The following SMOX variants were observed in gnomAD, a reference collection of about 807,000 sequenced individuals.
The protein encoded by SMOX is flavin containing amine oxidase.
A neutral mutation model predicts 51.0 loss-of-function variants in SMOX; 22 were observed. That is an observed-to-expected ratio of 0.43 (90% CI 0.31 to 0.62). The LOEUF is 0.62. Ranked by LOEUF, SMOX falls within the 20% of genes least tolerant of loss-of-function variation. The pLI is 0.10. For missense variants in SMOX, 566 were observed against 777.7 expected (o/e 0.73, Z 3.24); for synonymous variants, 282 against 307.8 (o/e 0.92, Z 0.88).
chr20:4,163,627 C>T (rs1316672936), intron 1 of SMOX, among the ~76,000 whole-genome samples: 1 of 152,144 alleles, frequency 6.6e-6, no homozygotes, highest in South Asian at 2.1e-4. Context: ...GGTTCTGGCT[C>T]GGGGTCTCTA....
chr20:4,155,502 T>C (rs1219247895), intron 1 of SMOX, among the ~76,000 whole-genome samples: 3 of 152,134 alleles, frequency 2.0e-5, no homozygotes, highest in African/African-American at 7.2e-5. Flanking sequence ...GTCAGTCTCC[T>C]CATCTGTAAA....
rs1190067099 is a variant in SMOX, at chr20:4,166,703, G to A, written c.-26-8327G>A. 6.6e-6 allele frequency among the ~76,000 whole-genome samples: 1 copy of A among 152,216 alleles called. No homozygotes were observed. The highest frequency in any genetic ancestry group is 1.9e-4 in the East Asian group (1 of 5,194). ...CAAGGGAAACAGAGATGGCCCCAGA[G>A]TGCTCACCTCTCCCGGGGGCCTCCC... On this transcript the variant is annotated intron_variant, in intron 1 of 6. Coordinates refer to ENST00000305958, the MANE Select transcript of SMOX (RefSeq NM_175839.3). This position sits in a 1 kb window ranked among gnomAD's most constrained non-coding sequence, Gnocchi z 4.2.
Position 4,187,503 on chromosome 20 carries a change from G to T in SMOX, c.*96G>T. ...CTGCCTTCCTGATCCTCTGTAGAAA[G>T]GATTTTTATCTTCTGTAGAGCTAGC... On this transcript the variant is annotated 3_prime_UTR_variant, in exon 7 of 7. Coordinates refer to ENST00000305958, the MANE Select transcript of SMOX (RefSeq NM_175839.3). The surrounding 1 kb of genome is among the most constrained non-coding windows in gnomAD (Gnocchi z 4.8). 6.5e-7 allele frequency: 1 copy of T among 1,530,412 alleles called. No homozygotes were observed. The allele number at this position is 1,530,412 out of a possible 1,614,324, so 94.8% of individuals were successfully genotyped here.
In SMOX at chr20:4,181,992, C is replaced by A; in HGVS notation, c.609+16C>A. The A allele has an allele frequency of 3.1e-6, 5 of 1,612,758 alleles. No homozygotes were observed. The highest frequency in any genetic ancestry group is 4.2e-6 in the Non-Finnish European group (5 of 1,179,218). Reference sequence around the variant, plus strand: ...GTACCTGAAGGTATCTTGAGGAAGACGGATTCTGGGGGCGTCTGGGTCTGA... The same window carrying A: ...GTACCTGAAGGTATCTTGAGGAAGAAGGATTCTGGGGGCGTCTGGGTCTGA... On this transcript the variant is annotated intron_variant, in intron 4 of 6. Transcript: ENST00000305958. This position sits in a 1 kb window ranked among gnomAD's most constrained non-coding sequence, Gnocchi z 5.6.
chr20:4,177,588 A>G lies in SMOX; in HGVS notation c.435+11A>G. The G allele has an allele frequency of 1.3e-6, 2 of 1,572,540 alleles. No homozygotes were observed. Among genetic ancestry groups the G allele is most frequent in the Non-Finnish European group, 8.6e-7 (1 of 1,157,550 alleles). On this transcript the variant is annotated intron_variant, in intron 3 of 6. Transcript: ENST00000305958. This position sits in a 1 kb window ranked among gnomAD's most constrained non-coding sequence, Gnocchi z 4.3. ...GATTTATACAACGAGGTAAGGTGTG[A>G]GCAGAGTAGCTGGGCGTAAGGGCAT...
chr20:4,181,410 G>A lies in SMOX; in HGVS notation c.436-393G>A, dbSNP rs550311407. ...GGCAGGGGTGGCAGGGAAAGTGCACGTATCGTTCTTGGAACAGGTAAATGT... is the reference window on the plus strand; with the variant it reads ...GGCAGGGGTGGCAGGGAAAGTGCACATATCGTTCTTGGAACAGGTAAATGT... On this transcript the variant is annotated intron_variant, in intron 3 of 6. Coordinates refer to ENST00000305958, the MANE Select transcript of SMOX (RefSeq NM_175839.3). The surrounding 1 kb of genome is among the most constrained non-coding windows in gnomAD (Gnocchi z 5.6). 1.3e-5 allele frequency among the ~76,000 whole-genome samples: 2 copies of A among 152,334 alleles called. No individual in the cohort carries two copies. Among genetic ancestry groups the A allele is most frequent in the East Asian group, 1.9e-4 (1 of 5,188 alleles).
chr20:4,162,870 G>T lies in SMOX; in HGVS notation c.-26-12160G>T, dbSNP rs555277534. Among the ~76,000 whole-genome samples, 16 of 152,322 alleles carry T rather than the reference G, an allele frequency of 1.1e-4. No homozygotes were observed. The South Asian group carries it at 3.3e-3, about 32-fold the overall frequency. ...GGGAGCAGTCCCAGCGCAGAGGTTG[G>T]ACCTGCAGAGGGTGTTGAGATGCAG... On this transcript the variant is annotated intron_variant, in intron 1 of 6. Transcript: ENST00000305958.
intron 1 of SMOX, among the ~76,000 whole-genome samples, chr20:4,156,067 C>T (rs755104671): frequency 1.3e-5 from 2 of 152,302 alleles, no homozygotes; most frequent in Non-Finnish European, 2.9e-5. Flanking sequence ...CAATCTCAAG[C>T]GTTCAGGGGA....
intron 2 of SMOX, among the ~76,000 whole-genome samples, chr20:4,176,907 G>C (rs1978900047): frequency 6.6e-6 from 1 of 152,154 alleles, no homozygotes; most frequent in Non-Finnish European, 1.5e-5. Flanking sequence ...AATTTGGAGG[G>C]AGCCATTTTC....
In SMOX at chr20:4,149,649, C is replaced by T. The variant is rs953650050; in HGVS notation, c.-27+672C>T. ...TGGAGGGCTCACTTTGTGGGAGGGG[C>T]TGAGGGAAGCCACTGCCCTGGGGTA... On this transcript the variant is annotated intron_variant, in intron 1 of 6. Coordinates refer to ENST00000305958, the MANE Select transcript of SMOX (RefSeq NM_175839.3). The surrounding 1 kb of genome is among the most constrained non-coding windows in gnomAD (Gnocchi z 6.0). Among the ~76,000 whole-genome samples, 3 of 152,140 alleles carry T rather than the reference C, an allele frequency of 2.0e-5. No homozygotes were observed. The highest frequency in any genetic ancestry group is 2.9e-5 in the Non-Finnish European group (2 of 68,000).
Position 4,183,675 on chromosome 20 carries a change from G to T in SMOX, c.1530+21G>T. 1.3e-6 allele frequency: 2 copies of T among 1,546,728 alleles called. No homozygotes were observed. The stretch of plus-strand genomic sequence containing the variant: ...CAGCGGTAAGCGGGGCGTTTGGGGT[G>T]AGGAGGGGAGTTGTGGGTGTATTTT... On this transcript the variant is annotated intron_variant, in intron 6 of 6. Coordinates refer to ENST00000305958, the MANE Select transcript of SMOX (RefSeq NM_175839.3). This position sits in a 1 kb window ranked among gnomAD's most constrained non-coding sequence, Gnocchi z 4.3.
chr20:4,162,246 A>G (rs13041799), intron 1 of SMOX, among the ~76,000 whole-genome samples: 48,745 of 151,596 alleles, frequency 0.32, 9,522 homozygotes, highest in Non-Finnish European at 0.43. Flanking sequence ...CCCACTCCCC[A>G]CTCCCGACTC....
chr20:4,176,783 G>A (rs975786536), intron 2 of SMOX, among the ~76,000 whole-genome samples: 2 of 152,114 alleles, frequency 1.3e-5, no homozygotes, highest in Non-Finnish European at 2.9e-5. Flanking sequence ...AGGGTTTTTT[G>A]TACTGTGTCA....
At chr20:4,169,711 A>G (rs1986738701) in intron 1 of SMOX, among the ~76,000 whole-genome samples, 2 of 151,918 alleles carry the variant, frequency 1.3e-5, no homozygotes, top group South Asian at 4.1e-4. Flanking sequence ...CGAGGGACTC[A>G]CATTTCAAGG....
intron 2 of SMOX, among the ~76,000 whole-genome samples, chr20:4,176,624 C>T (rs1978876014): frequency 6.6e-6 from 1 of 152,278 alleles, no homozygotes; most frequent in African/African-American, 2.4e-5. Flanking sequence ...ACAGTTTCTG[C>T]AGCATCAGAA....
Position 4,182,173 on chromosome 20 carries a change from C to G in SMOX, c.694C>G (p.His232Asp). The G allele has an allele frequency of 6.2e-7, 1 of 1,613,496 alleles. No homozygotes were observed. Among genetic ancestry groups the G allele is most frequent in the Non-Finnish European group, 8.5e-7 (1 of 1,179,992 alleles). Residue 232 changes from histidine (H) to aspartate (D), a missense_variant, in exon 5 of 7, where the codon CAC becomes GAC. Around this residue, in one of 3 missense-constraint regions of SMOX, gnomAD observed 347 missense variants for 481.8 expected, o/e 0.72. Transcript: ENST00000305958. This position sits in a 1 kb window ranked among gnomAD's most constrained non-coding sequence, Gnocchi z 8.4. ...FGEWTEIPGA[H>D]HIIPSGFMRV... ...GGAGTGGACCGAGATCCCCGGCGCTCACCACATCATCCCCTCGGGCTTCAT... is the reference window on the plus strand; with the variant it reads ...GGAGTGGACCGAGATCCCCGGCGCTGACCACATCATCCCCTCGGGCTTCAT...
intron 1 of SMOX, among the ~76,000 whole-genome samples, chr20:4,161,893 G>A (rs1316569085): frequency 6.6e-6 from 1 of 152,230 alleles, no homozygotes. Flanking sequence ...AACCCTGTCT[G>A]TGCTTTTCTC....
rs764126362 is a variant in SMOX at position 4,172,239 on chromosome 20, C to T, written c.-26-2791C>T. On this transcript the variant is annotated intron_variant, in intron 1 of 6. Coordinates refer to ENST00000305958, the MANE Select transcript of SMOX (RefSeq NM_175839.3). This position sits in a 1 kb window ranked among gnomAD's most constrained non-coding sequence, Gnocchi z 7.7. ...CAGACCCGCCGGGCGGGTTGCGGCG[C>T]CACGTCAGTCCAGGGTGCCCAGGGT... Among the ~76,000 whole-genome samples, 17 of 152,226 alleles carry T rather than the reference C, an allele frequency of 1.1e-4. No individual in the cohort carries two copies. Among genetic ancestry groups the T allele is most frequent in the Non-Finnish European group, 2.2e-4 (15 of 68,028 alleles).
At position 4,183,701 on chromosome 20, in the gene SMOX, G is replaced by C; in HGVS notation, c.1530+47G>C. 2 of 1,528,640 alleles carry C rather than the reference G, an allele frequency of 1.3e-6. No individual in the cohort carries two copies. The highest frequency in any genetic ancestry group is 8.7e-7 in the Non-Finnish European group (1 of 1,143,708). The allele number at this position is 1,528,640 out of a possible 1,614,324, so 94.7% of individuals were successfully genotyped here. A position where few individuals can be genotyped will look rare whatever the true frequency, so the allele number is the denominator to read the frequency against. On this transcript the variant is annotated intron_variant, in intron 6 of 6. Transcript: ENST00000305958. This position sits in a 1 kb window ranked among gnomAD's most constrained non-coding sequence, Gnocchi z 4.3. The stretch of plus-strand genomic sequence containing the variant: ...AGGAGGGGAGTTGTGGGTGTATTTT[G>C]TATGTGTGTCCGGTCCAGGGTGAGG...
Sources: allele counts gnomAD v4.1 joint callset (sites outside exome capture counted in the v4.1 genomes callset), GRCh38; gene constraint gnomAD v4.1.1; regional missense constraint gnomAD v4.1.1; non-coding constraint Gnocchi (gnomAD v3.1); transcripts MANE v1.5; gene names NCBI Gene and HGNC (gene_info 2026-07-23, HGNC 2026-07-21).